Variants in ANKFN1 observed in about 807,000 individuals in gnomAD.
ANKFN1 encodes the protein ankyrin repeat and fibronectin type-III domain-containing protein 1.
ANKFN1 carries 74 observed loss-of-function variants against 108.7 expected under a neutral mutation model. The observed-to-expected ratio is 0.68, with a 90% CI of 0.56 to 0.83. ANKFN1 has a LOEUF of 0.83. ANKFN1 is among the 40% of genes least tolerant of loss of function. ANKFN1 has a pLI of 0.00. For missense variants in ANKFN1, 1,505 were observed against 1,382.3 expected, an observed-to-expected ratio of 1.09 and a Z score of -1.41; for synonymous variants, 547 against 516.2, an observed-to-expected ratio of 1.06 and a Z score of -0.81.
At chr17:56,225,703 A>G (rs191682484) in intron 2 of ANKFN1, among the ~76,000 whole-genome samples, 74 of 152,346 alleles carry the variant, frequency 4.9e-4, no homozygotes, top group Non-Finnish European at 1.3e-4. Flanking sequence ...TTAAAAAAGC[A>G]GAGGTGAGTT....
At chr17:56,314,515 C>A (rs1470881675) in intron 3 of ANKFN1, among the ~76,000 whole-genome samples, 2 of 152,080 alleles carry the variant, frequency 1.3e-5, no homozygotes, top group African/African-American at 4.8e-5. Context: ...ATATTGAGCA[C>A]CTTTTTATGT....
chr17:56,193,823 C>A (rs973051215), intron 1 of ANKFN1, among the ~76,000 whole-genome samples: 1 of 152,048 alleles, frequency 6.6e-6, no homozygotes, highest in Non-Finnish European at 1.5e-5. Flanking sequence ...AAGATACTGT[C>A]AAAAGAATGA....
At chr17:56,357,842 C>G (rs2046414169) in intron 6 of ANKFN1, among the ~76,000 whole-genome samples, 2 of 152,128 alleles carry the variant, frequency 1.3e-5, no homozygotes, top group African/African-American at 4.8e-5. Flanking sequence ...TTTACACCTA[C>G]AAAAATGGTT....
intron 8 of ANKFN1, among the ~76,000 whole-genome samples, chr17:56,425,031 G>T (rs1466164121): frequency 6.6e-6 from 1 of 151,442 alleles, no homozygotes; most frequent in Non-Finnish European, 1.5e-5. Context: ...GCTGAGACCC[G>T]TTACATACAC....
At chr17:56,287,029 A>G (rs536851955) in intron 3 of ANKFN1, among the ~76,000 whole-genome samples, 1 of 152,268 alleles carries the variant, frequency 6.6e-6, no homozygotes, top group Admixed American at 6.5e-5. Flanking sequence ...CTAATCAGAA[A>G]TACTTTAATC....
intron 8 of ANKFN1, among the ~76,000 whole-genome samples, chr17:56,420,258 CTCCCAT>C (rs1427515400): frequency 6.6e-6 from 1 of 152,136 alleles, no homozygotes; most frequent in African/African-American, 2.4e-5. Context: ...GGAATTCTAG[CTCCCAT>C]TCAAAAAAGT....
chr17:56,240,832 A>G (rs1481750285), intron 3 of ANKFN1, among the ~76,000 whole-genome samples: 53 of 152,140 alleles, frequency 3.5e-4, no homozygotes, highest in Non-Finnish European at 8.8e-5. Context: ...TGAATTGCTT[A>G]TTCACATATT....
Position 56,315,607 on chromosome 17 carries a change from A to G in ANKFN1, c.54-10614A>G, listed in dbSNP as rs183542061. Among the ~76,000 whole-genome samples, 5 of 152,330 alleles carry G rather than the reference A, an allele frequency of 3.3e-5. 1 individual carries two copies. Among genetic ancestry groups the G allele is most frequent in the Admixed American group, 2.0e-4 (3 of 15,298 alleles). On this transcript the variant is annotated intron_variant, in intron 3 of 20. Transcript: ENST00000682825. ...CATTCAACGCCTTTGCTGTGCTGCA[A>G]GGTGCATCCAGTAGGTTTCACAATG...
intron 8 of ANKFN1, among the ~76,000 whole-genome samples, chr17:56,422,492 T>TAC (rs141538919): frequency 2.0e-5 from 3 of 151,338 alleles, no homozygotes; most frequent in African/African-American, 7.3e-5. Context: ...CACACGCACA[T>TAC]ACACACACAC....
intron 4 of ANKFN1, among the ~76,000 whole-genome samples, chr17:56,109,440 A>G (rs558450979): frequency 6.6e-6 from 1 of 152,298 alleles, no homozygotes; most frequent in African/African-American, 2.4e-5. Context: ...TCTACCGACC[A>G]GCTGCCAGTA....
intron 1 of ANKFN1, among the ~76,000 whole-genome samples, chr17:56,161,242 A>G (rs527800029): frequency 1.3e-5 from 2 of 152,334 alleles, no homozygotes; most frequent in South Asian, 2.1e-4. Flanking sequence ...CTATCGTGGT[A>G]GTATCATTAG....
chr17:56,303,812 G>A (rs982859570), intron 3 of ANKFN1, among the ~76,000 whole-genome samples: 2 of 150,654 alleles, frequency 1.3e-5, no homozygotes, highest in Non-Finnish European at 2.9e-5. Flanking sequence ...AGCCTCCCGA[G>A]TAGCTGGGAT....
intron 3 of ANKFN1, among the ~76,000 whole-genome samples, chr17:56,232,270 T>G (rs959963131): frequency 6.6e-6 from 1 of 152,156 alleles, no homozygotes; most frequent in African/African-American, 2.4e-5. Flanking sequence ...CAGCCTGAAC[T>G]GAAAAGAATA....
At chr17:56,141,605 T>C (rs117786317) in intron 4 of ANKFN1, among the ~76,000 whole-genome samples, 1,829 of 152,136 alleles carry the variant, frequency 0.012, 11 homozygotes, top group Non-Finnish European at 0.018. Context: ...GAATCACCCA[T>C]ATAGTGTTCC....
rs1003151354 is a variant in ANKFN1 at position 56,353,723 on chromosome 17, C to A, written c.391-113C>A. 3 of 863,260 alleles carry A rather than the reference C, an allele frequency of 3.5e-6. No individual in the cohort carries two copies. In the South Asian group the frequency reaches 4.7e-5, roughly 13 times the overall value. 53.5% of individuals were successfully genotyped at this position (863,260 alleles called of 1,614,324 possible). A position where few individuals can be genotyped will look rare whatever the true frequency, so the allele number is the denominator to read the frequency against. ...ACCTTGGGATAAATTGTAGTTATTC[C>A]ACTTATAAGTGGACATGCAGTCCCT... is the stretch of plus-strand genomic sequence containing the variant. On this transcript the variant is annotated intron_variant, in intron 5 of 20. Coordinates refer to ENST00000682825, the MANE Select transcript of ANKFN1 (RefSeq NM_001370326.1).
intron 8 of ANKFN1, among the ~76,000 whole-genome samples, chr17:56,386,276 A>G (rs2047264922): frequency 1.3e-5 from 2 of 151,794 alleles, no homozygotes; most frequent in South Asian, 4.2e-4. Flanking sequence ...AACAATGAGA[A>G]CACATGGACG....
At chr17:56,396,442 C>T (rs1002625494) in intron 8 of ANKFN1, among the ~76,000 whole-genome samples, 1 of 151,530 alleles carries the variant, frequency 6.6e-6, no homozygotes, top group Admixed American at 6.6e-5. Context: ...AGCTAGACTT[C>T]GTCTGCAAAA....
chr17:56,302,575 C>T (rs769737347), intron 3 of ANKFN1, among the ~76,000 whole-genome samples: 26 of 147,816 alleles, frequency 1.8e-4, no homozygotes, highest in Non-Finnish European at 3.0e-4. Context: ...AAAAGAAAAA[C>T]GTATTTGTCT....
intron 1 of ANKFN1, among the ~76,000 whole-genome samples, chr17:56,170,807 T>TATATATATATATATATACAC (rs1361307404): frequency 6.5e-5 from 4 of 61,460 alleles, no homozygotes; most frequent in African/African-American, 1.4e-4. Flanking sequence ...TATATATATA[T>TATATATATATATATATACAC]ACACACACAC....
Sources: gnomAD v4.1 joint callset for allele counts (sites outside exome capture counted in the v4.1 genomes callset) on GRCh38, gnomAD v4.1.1 for gene constraint, MANE v1.5 for transcripts, NCBI Gene and HGNC (gene_info 2026-07-23, HGNC 2026-07-21) for gene names.